SMAD3: variants seen among roughly 807,000 people sequenced by gnomAD.
SMAD3 encodes the protein SMAD family member 3, also known as MAD homolog 3.
Under a neutral mutation model 51.8 loss-of-function variants are expected in SMAD3, and 12 were observed. That is an observed-to-expected ratio of 0.23 (90% CI 0.15 to 0.38). SMAD3 has a LOEUF of 0.38. Among genes scored for constraint, SMAD3 ranks in the 10% least tolerant of loss-of-function variants. The pLI is 1.00. For synonymous variants in SMAD3, 238 were observed against 227.7 expected (o/e 1.05, Z -0.41); for missense variants, 294 against 565.6 (o/e 0.52, Z 4.87).
At chr15:67,066,941 T>C (rs1339975697) in intron 1 of SMAD3, among the ~76,000 whole-genome samples, 1 of 152,156 alleles carries the variant, frequency 6.6e-6, no homozygotes, top group Non-Finnish European at 1.5e-5. Context: ...TTATCGAGTA[T>C]TTTTAGACTC....
intron 3 of SMAD3, 107 bp downstream of exon 3, chr15:67,165,491 C>T: frequency 7.4e-7 from 1 of 1,359,628 alleles, no homozygotes; most frequent in Non-Finnish European, 1.0e-6. Context: ...CCCCGCTCAC[C>T]CCCTCTTTGC....
At chr15:67,072,803 A>G (rs938194207) in intron 1 of SMAD3, among the ~76,000 whole-genome samples, 4 of 152,212 alleles carry the variant, frequency 2.6e-5, no homozygotes, top group African/African-American at 9.6e-5. Flanking sequence ...TTCAAGCACA[A>G]TGGTTCCTGG....
chr15:67,120,394 A>G (rs1961232288), intron 1 of SMAD3, among the ~76,000 whole-genome samples: 1 of 152,170 alleles, frequency 6.6e-6, no homozygotes, highest in African/African-American at 2.4e-5. Context: ...TCTTTGGATC[A>G]ATAGATGGAT....
intron 1 of SMAD3, among the ~76,000 whole-genome samples, chr15:67,076,057 A>G (rs747926433): frequency 5.9e-5 from 9 of 152,168 alleles, no homozygotes; most frequent in Non-Finnish European, 1.2e-4. Context: ...GTCGACTCCA[A>G]TAGGTGATCC....
At chr15:67,167,430 C>G (rs1448378233) in intron 4 of SMAD3, among the ~76,000 whole-genome samples, 1 of 152,182 alleles carries the variant, frequency 6.6e-6, no homozygotes, top group Admixed American at 6.5e-5. Flanking sequence ...GACCTTCAAG[C>G]TAGCCAGACC....
At chr15:67,165,188 G>A (rs1595942023) in intron 2 of SMAD3, 65 bp from the exon 3 acceptor site, 1 of 1,613,574 alleles carries the variant, frequency 6.2e-7, no homozygotes, top group East Asian at 2.2e-5. Flanking sequence ...ACTTGGGGGT[G>A]CGGGGACTTT....
chr15:67,096,389 C>T (rs1330068553), intron 1 of SMAD3, among the ~76,000 whole-genome samples: 1 of 152,128 alleles, frequency 6.6e-6, no homozygotes, highest in Non-Finnish European at 1.5e-5. Flanking sequence ...ACATCCAAGT[C>T]CTAAAATACA....
intron 1 of SMAD3, among the ~76,000 whole-genome samples, chr15:67,080,298 A>G (rs1960253294): frequency 1.3e-5 from 2 of 152,252 alleles, no homozygotes; most frequent in Admixed American, 1.3e-4. Flanking sequence ...TGTTGAAAAC[A>G]TGGTAAAGTT....
chr15:67,127,529 G>C (rs1961420151), intron 1 of SMAD3, among the ~76,000 whole-genome samples: 1 of 152,166 alleles, frequency 6.6e-6, no homozygotes, highest in African/African-American at 2.4e-5. Context: ...AAGGGGAAGA[G>C]GTTTGCTCAT....
In SMAD3 at chr15:67,098,376, A is replaced by AGCC. The variant is rs1555407153; in HGVS notation, c.206+32016_206+32017insGCC. Among the ~76,000 whole-genome samples, 1,126 of 150,010 alleles carry AGCC rather than the reference A, an allele frequency of 7.5e-3. 21 individuals are homozygous for AGCC. Among genetic ancestry groups the AGCC allele is most frequent in the Middle Eastern group, 0.02 (6 of 294 alleles). ...AGAGCGAGCGAGCAAGCAAGCAAGC[A>AGCC]AGCCAGCAGGATTTGGAATCGTCCC... On this transcript the variant is annotated intron_variant, in intron 1 of 8. Coordinates refer to ENST00000327367, the MANE Select transcript of SMAD3 (RefSeq NM_005902.4).
In SMAD3 at chr15:67,191,004, A is replaced by G. The variant is rs1963348533; in HGVS notation, c.*468A>G. On this transcript the variant is annotated 3_prime_UTR_variant, in exon 9 of 9. Transcript: ENST00000327367. Reference sequence around the variant, plus strand: ...TGCCCAGCTCTCTGACGCTTGTGACAGTGCCTCTTCCAGTGAACATTCCCA... The same window carrying G: ...TGCCCAGCTCTCTGACGCTTGTGACGGTGCCTCTTCCAGTGAACATTCCCA... 8.2e-6 allele frequency: 2 copies of G among 244,026 alleles called. No individual in the cohort carries two copies. The highest frequency in any genetic ancestry group is 1.6e-5 in the Non-Finnish European group (2 of 124,030). The allele number at this position is 244,026 out of a possible 1,614,324, so 15.1% of individuals were successfully genotyped here.
chr15:67,188,240 T>A (rs938841047), intron 8 of SMAD3, among the ~76,000 whole-genome samples: 5 of 146,432 alleles, frequency 3.4e-5, no homozygotes, highest in Non-Finnish European at 7.4e-5. Flanking sequence ...AATCTCTGCC[T>A]CCAGGACGTG....
intron 5 of SMAD3, among the ~76,000 whole-genome samples, chr15:67,180,273 ATGC>A (rs1248268061): frequency 1.3e-5 from 2 of 152,078 alleles, no homozygotes; most frequent in East Asian, 3.9e-4. Context: ...GGGCCTGGAG[ATGC>A]TGCAGAGGCG....
chr15:67,129,804 ATTC>A (rs1348441372), intron 1 of SMAD3, among the ~76,000 whole-genome samples: 1 of 152,216 alleles, frequency 6.6e-6, no homozygotes, highest in Non-Finnish European at 1.5e-5. Context: ...GCTATATTAC[ATTC>A]TTCTTTATCA....
intron 1 of SMAD3, among the ~76,000 whole-genome samples, chr15:67,088,614 G>A (rs1252706215): frequency 6.6e-6 from 1 of 152,156 alleles, no homozygotes; most frequent in Non-Finnish European, 1.5e-5. Flanking sequence ...GAGTGGGAGG[G>A]GGCAGCTGCT....
At chr15:67,101,086 C>T (rs1047921081) in intron 1 of SMAD3, among the ~76,000 whole-genome samples, 3 of 152,126 alleles carry the variant, frequency 2.0e-5, no homozygotes, top group African/African-American at 7.2e-5. Flanking sequence ...ATAGAAATAT[C>T]CCAAGTCCTG....
chr15:67,101,239 CTTCTCTTTTT>C (rs1435276031), intron 1 of SMAD3, among the ~76,000 whole-genome samples: 5 of 152,154 alleles, frequency 3.3e-5, no homozygotes, highest in African/African-American at 1.2e-4. Context: ...TTCTTCTTTT[CTTCTCTTTTT>C]GACTATGAAC....
At chr15:67,068,466 G>A (rs768064563) in intron 1 of SMAD3, among the ~76,000 whole-genome samples, 4 of 152,066 alleles carry the variant, frequency 2.6e-5, no homozygotes, top group African/African-American at 4.8e-5. Flanking sequence ...CCATACCTTT[G>A]GCCTGCCTTT....
At chr15:67,105,902 G>C (rs572012069) in intron 1 of SMAD3, among the ~76,000 whole-genome samples, 2 of 152,074 alleles carry the variant, frequency 1.3e-5, no homozygotes, top group Non-Finnish European at 1.5e-5. Flanking sequence ...TTCATTCCCC[G>C]GCCCTCCCTG....
Sources: allele counts gnomAD v4.1 joint callset (sites outside exome capture counted in the v4.1 genomes callset), GRCh38; gene constraint gnomAD v4.1.1; transcripts MANE v1.5; gene names NCBI Gene and HGNC (gene_info 2026-07-23, HGNC 2026-07-21).